The following TENM4 variants were observed in gnomAD, a reference collection of about 807,000 sequenced individuals.
The protein encoded by TENM4 is teneurin transmembrane protein 4, also known as teneurin-4.
In TENM4, 82 loss-of-function variants were observed where a neutral mutation model predicts 243.3. That is an observed-to-expected ratio of 0.34 (90% CI 0.28 to 0.40). The LOEUF is 0.40. Ranked by LOEUF, TENM4 falls within the 10% of genes least tolerant of loss-of-function variation. The pLI, the probability that TENM4 is intolerant of heterozygous loss-of-function variation, is 1.00. For missense variants in TENM4, 3,138 were observed against 3,673.3 expected (o/e 0.85, Z 3.77); for synonymous variants, 1,412 against 1,456.3 (o/e 0.97, Z 0.69).
At chr11:79,361,189 G>A (rs556266523) in intron 1 of TENM4, among the ~76,000 whole-genome samples, 1 of 152,332 alleles carries the variant, frequency 6.6e-6, no homozygotes, top group African/African-American at 2.4e-5. Flanking sequence ...AGAAATTGGG[G>A]AAGTTTGAGA....
chr11:79,331,954 C>A (rs143591641), intron 1 of TENM4, among the ~76,000 whole-genome samples: 4 of 152,170 alleles, frequency 2.6e-5, no homozygotes, highest in Non-Finnish European at 4.4e-5. Context: ...TCAGATGCAC[C>A]GCAGCACAAA....
At chr11:79,239,988 A>G (rs542608199) in intron 2 of TENM4, among the ~76,000 whole-genome samples, 1 of 152,316 alleles carries the variant, frequency 6.6e-6, no homozygotes, top group South Asian at 2.1e-4. Flanking sequence ...TATACTGCTG[A>G]TTATCAAAGC....
At chr11:78,873,655 T>C (rs117777078) in intron 9 of TENM4, among the ~76,000 whole-genome samples, 285 of 152,350 alleles carry the variant, frequency 1.9e-3, no homozygotes, top group Admixed American at 3.9e-3. Flanking sequence ...GCCAATCTCA[T>C]TGTTATATGG....
chr11:79,193,812 ACAG>A (rs1380423557), intron 3 of TENM4, among the ~76,000 whole-genome samples: 2 of 152,220 alleles, frequency 1.3e-5, no homozygotes, highest in Non-Finnish European at 2.9e-5. Context: ...CCAAGGTCAC[ACAG>A]CTAGAAAATG....
chr11:79,074,147 T>A (rs1339197053), intron 4 of TENM4, among the ~76,000 whole-genome samples: 3 of 151,080 alleles, frequency 2.0e-5, no homozygotes, highest in Non-Finnish European at 2.9e-5. Context: ...TTCCTTAAAA[T>A]TTTTTTTTCA....
intron 1 of TENM4, among the ~76,000 whole-genome samples, chr11:79,391,388 C>G (rs534999498): frequency 6.8e-6 from 1 of 147,014 alleles, no homozygotes; most frequent in Admixed American, 6.9e-5. Context: ...CTGTGCTAGC[C>G]TGTGGGATGC....
chr11:79,035,721 C>T (rs1055134631), intron 6 of TENM4, among the ~76,000 whole-genome samples: 8 of 152,114 alleles, frequency 5.3e-5, no homozygotes, highest in African/African-American at 1.9e-4. Flanking sequence ...CCCAAATCTC[C>T]CATTCTTCTT....
intron 4 of TENM4, among the ~76,000 whole-genome samples, chr11:79,099,590 C>T (rs188580488): frequency 1.3e-5 from 2 of 152,210 alleles, no homozygotes; most frequent in Non-Finnish European, 2.9e-5. Context: ...AATACTCCCC[C>T]ACTTTCCCCT....
intron 1 of TENM4, among the ~76,000 whole-genome samples, chr11:79,414,731 TG>T (rs1220717528): frequency 2.6e-4 from 40 of 152,234 alleles, no homozygotes; most frequent in Admixed American, 2.6e-3. Flanking sequence ...CTTATATAAA[TG>T]GATCTGAAAC....
At chr11:79,047,153 A>G (rs540549517) in intron 6 of TENM4, among the ~76,000 whole-genome samples, 3 of 152,194 alleles carry the variant, frequency 2.0e-5, no homozygotes, top group African/African-American at 7.2e-5. Context: ...CTTTGCGCCA[A>G]CCTAATGTAA....
At chr11:78,884,952 G>A (rs567051613) in intron 9 of TENM4, among the ~76,000 whole-genome samples, 23 of 152,126 alleles carry the variant, frequency 1.5e-4, no homozygotes, top group Non-Finnish European at 2.8e-4. Context: ...CACAAGCAAC[G>A]TGCTCAGAAC....
In TENM4 at chr11:78,886,688, C is replaced by T. The variant is rs113330968; in HGVS notation, c.1084+3097G>A. The stretch of plus-strand genomic sequence containing the variant: ...TGTCATGGTAGGTGTAAGCTCTTCC[C>T]CAACACCTTGCTGACTCTCCAGGAA... On this transcript the variant is annotated intron_variant, in intron 9 of 33. Transcript: ENST00000278550. Among the ~76,000 whole-genome samples, 226 of 152,308 alleles carry T rather than the reference C, an allele frequency of 1.5e-3. 2 individuals carry two copies. Among genetic ancestry groups the T allele is most frequent in the African/African-American group, 4.4e-3 (182 of 41,564 alleles).
intron 1 of TENM4, among the ~76,000 whole-genome samples, chr11:79,382,975 G>T (rs1369763211): frequency 2.0e-5 from 3 of 152,116 alleles, no homozygotes; most frequent in Non-Finnish European, 4.4e-5. Flanking sequence ...CTCTGCCTGT[G>T]GCCTCCTGGG....
intron 6 of TENM4, among the ~76,000 whole-genome samples, chr11:79,010,797 G>C (rs751451936): frequency 1.3e-5 from 2 of 152,162 alleles, no homozygotes; most frequent in African/African-American, 2.4e-5. Flanking sequence ...GCCAAACCAT[G>C]TCAGGGTTCT....
chr11:79,349,434 C>A (rs556723754), intron 1 of TENM4, among the ~76,000 whole-genome samples: 2 of 152,288 alleles, frequency 1.3e-5, no homozygotes, highest in South Asian at 4.2e-4. Flanking sequence ...TTGCTTTGCC[C>A]TTTGTGGTTT....
intron 6 of TENM4, among the ~76,000 whole-genome samples, chr11:78,905,866 C>G (rs1311691385): frequency 2.0e-5 from 3 of 152,226 alleles, no homozygotes; most frequent in African/African-American, 7.2e-5. Context: ...TGTGCAGGGT[C>G]ATTTGTTTTG....
At chr11:79,178,447 A>G (rs1863213310) in intron 3 of TENM4, among the ~76,000 whole-genome samples, 1 of 152,144 alleles carries the variant, frequency 6.6e-6, no homozygotes, top group South Asian at 2.1e-4. Flanking sequence ...CATTCAGAGG[A>G]TTCATGAGGA....
chr11:79,406,475 C>T (rs1024097979), intron 1 of TENM4, among the ~76,000 whole-genome samples: 2 of 152,156 alleles, frequency 1.3e-5, no homozygotes, highest in South Asian at 4.1e-4. Flanking sequence ...GTATTAAATA[C>T]CTACCAGTGC....
At chr11:78,913,968 C>T (rs531498543) in intron 6 of TENM4, among the ~76,000 whole-genome samples, 27 of 152,242 alleles carry the variant, frequency 1.8e-4, no homozygotes, top group African/African-American at 6.3e-4. Flanking sequence ...AGGAGAAGAG[C>T]TTAAAGAAGG....
Sources: allele counts gnomAD v4.1 joint callset (sites outside exome capture counted in the v4.1 genomes callset), GRCh38; gene constraint gnomAD v4.1.1; transcripts MANE v1.5; gene names NCBI Gene and HGNC (gene_info 2026-07-23, HGNC 2026-07-21).